Variants in SORL1-AS1 observed in about 807,000 individuals in gnomAD.
SORL1-AS1 encodes SORL1 antisense RNA 1, also known as lncRNA 51 A.
the SORL1-AS1 span, among the ~76,000 whole-genome samples, chr11:121,441,530 CAAAA>C: frequency 5.7e-5 from 3 of 52,384 alleles, no homozygotes; most frequent in African/African-American, 8.2e-5. Context: ...GACTCTGTCT[CAAAA>C]AAAAAAAAAA....
At chr11:121,451,212 T>C (rs917230062) in intron 1 of SORL1-AS1, among the ~76,000 whole-genome samples, 2 of 152,144 alleles carry the variant, frequency 1.3e-5, no homozygotes, top group African/African-American at 4.8e-5. Context: ...ATAGGAAAGG[T>C]TGCAGTAGTA....
chr11:121,446,788 C>T (rs1007733388), downstream of SORL1-AS1, among the ~76,000 whole-genome samples: 17 of 151,288 alleles, frequency 1.1e-4, no homozygotes, highest in East Asian at 2.5e-3. Flanking sequence ...ATCCAGGAGA[C>T]GTGGGCCAAA....
At chr11:121,449,616 A>G (rs557428270) in exon 2 of SORL1-AS1, 1 of 152,358 alleles carries the variant, frequency 6.6e-6, no homozygotes, top group Non-Finnish European at 1.5e-5. Flanking sequence ...ACTAGAATCT[A>G]TGTTTCTAAT....
In SORL1-AS1 at chr11:121,452,583, C is replaced by T. The variant is rs769805751; in HGVS notation, n.339+92G>A. ...CGCTCCGGAGGAAACGGAGCGCTGC[C>T]CTGCAGCCCGAGCCCATCAAGGTGT... On this transcript the variant is annotated intron_variant and non_coding_transcript_variant, in intron 1 of 1. Transcript: ENST00000501964. This position sits in a 1 kb window ranked among gnomAD's most constrained non-coding sequence, Gnocchi z 5.3. The T allele has an allele frequency of 3.3e-6, 5 of 1,522,606 alleles. No individual in the cohort carries two copies. Among genetic ancestry groups the T allele is most frequent in the Middle Eastern group, 1.7e-4 (1 of 5,848 alleles). The allele number at this position is 1,522,606 out of a possible 1,614,324, so 94.3% of individuals were successfully genotyped here. A position where few individuals can be genotyped will look rare whatever the true frequency, so the allele number is the denominator to read the frequency against.
At chr11:121,448,330 G>A (rs1460743419) in exon 2 of SORL1-AS1, 1 of 152,198 alleles carries the variant, frequency 6.6e-6, no homozygotes, top group African/African-American at 2.4e-5. Context: ...TATCTTGGAC[G>A]CTTTCCTAAC....
At chr11:121,446,678 G>A (rs949797781), downstream of SORL1-AS1, among the ~76,000 whole-genome samples, 9 of 151,986 alleles carry the variant, frequency 5.9e-5, no homozygotes, top group African/African-American at 2.2e-4. Context: ...TTGAACTCAG[G>A]GGGTGGAGGT....
Position 121,452,227 on chromosome 11 carries a change from A to G in SORL1-AS1, n.339+448T>C, listed in dbSNP as rs1436601604. On this transcript the variant is annotated intron_variant and non_coding_transcript_variant, in intron 1 of 1. Coordinates refer to ENST00000501964, the Ensembl canonical transcript of SORL1-AS1. The surrounding 1 kb of genome is among the most constrained non-coding windows in gnomAD (Gnocchi z 5.3). ...GCCCGGAGCGGCGCGGGCGGCCTGG[A>G]GCCCCGGGAGCGGCGCGCGCGGTCC... The G allele has an allele frequency of 3.4e-6, 3 of 885,156 alleles. No individual in the cohort carries two copies. Among genetic ancestry groups the G allele is most frequent in the Non-Finnish European group, 4.4e-6 (3 of 683,624 alleles). The allele number at this position is 885,156 out of a possible 1,614,324, so 54.8% of individuals were successfully genotyped here.
chr11:121,445,390 C>T (rs558681570), downstream of SORL1-AS1, among the ~76,000 whole-genome samples: 3 of 152,274 alleles, frequency 2.0e-5, no homozygotes, highest in South Asian at 4.2e-4. Flanking sequence ...TCTCAGAACC[C>T]CTGGCTGCAC....
chr11:121,447,344 T>C, exon 2 of SORL1-AS1: 1 of 149,380 alleles, frequency 6.7e-6, no homozygotes, highest in Non-Finnish European at 1.5e-5. Context: ...ACAGGGTCTC[T>C]CTCTGTCACC....
At position 121,452,809 on chromosome 11, in the gene SORL1-AS1, A is replaced by C; in HGVS notation, n.205T>G. On this transcript the variant is annotated non_coding_transcript_exon_variant, in exon 1 of 2. Coordinates refer to ENST00000501964, the Ensembl canonical transcript of SORL1-AS1. This position sits in a 1 kb window ranked among gnomAD's most constrained non-coding sequence, Gnocchi z 5.3. ...CATTGATCTTTCCTTCTTCCTGTCG[A>C]TTTAGTAAACGTATTCCAGGTAACT... 1 of 507,022 alleles carries C rather than the reference A, an allele frequency of 2.0e-6. No individual in the cohort carries two copies. Among genetic ancestry groups the C allele is most frequent in the Non-Finnish European group, 3.3e-6 (1 of 300,476 alleles). The allele number at this position is 507,022 out of a possible 1,614,324, so 31.4% of individuals were successfully genotyped here.
In SORL1-AS1 at chr11:121,450,114, T is replaced by C. The variant is rs1860770397; in HGVS notation, n.340-215A>G. On this transcript the variant is annotated intron_variant and non_coding_transcript_variant, in intron 1 of 1. Coordinates refer to ENST00000501964, the Ensembl canonical transcript of SORL1-AS1. This position sits in a 1 kb window ranked among gnomAD's most constrained non-coding sequence, Gnocchi z 5.2. The stretch of plus-strand genomic sequence containing the variant: ...TTGTGTGGGCAAACAGATGCCCATC[T>C]TCAAATCCACACTTAGGAGACTCCT... Among the ~76,000 whole-genome samples, 1 of 152,234 alleles carries C rather than the reference T, an allele frequency of 6.6e-6. No homozygotes were observed. The highest frequency in any genetic ancestry group is 1.5e-5 in the Non-Finnish European group (1 of 68,046).
chr11:121,442,394 G>A (rs573782447), downstream of SORL1-AS1, among the ~76,000 whole-genome samples: 1 of 152,252 alleles, frequency 6.6e-6, no homozygotes, highest in South Asian at 2.1e-4. Context: ...CAGAACTTTG[G>A]AAAGCCGAGG....
At chr11:121,451,222 A>AT (rs1214409791) in intron 1 of SORL1-AS1, among the ~76,000 whole-genome samples, 3 of 152,226 alleles carry the variant, frequency 2.0e-5, no homozygotes, top group African/African-American at 7.2e-5. Flanking sequence ...TTGCAGTAGT[A>AT]CATAGACTTT....
chr11:121,439,877 A>C, the SORL1-AS1 span, among the ~76,000 whole-genome samples: 3 of 152,374 alleles, frequency 2.0e-5, no homozygotes, highest in Non-Finnish European at 4.4e-5. Flanking sequence ...TTTAAAAATC[A>C]GTAAGACAAG....
chr11:121,438,448 C>A, the SORL1-AS1 span, among the ~76,000 whole-genome samples: 1 of 152,112 alleles, frequency 6.6e-6, no homozygotes, highest in African/African-American at 2.4e-5. Context: ...GTGGCCCACC[C>A]TCCCTCTACA....
At chr11:121,446,107 G>T (rs1308605330), downstream of SORL1-AS1, among the ~76,000 whole-genome samples, 2 of 152,232 alleles carry the variant, frequency 1.3e-5, no homozygotes, top group East Asian at 3.9e-4. Flanking sequence ...TGAGGAGCGG[G>T]GGTGGGGGTA....
chr11:121,449,628 C>G (rs1314747002), exon 2 of SORL1-AS1: 2 of 152,224 alleles, frequency 1.3e-5, no homozygotes, highest in African/African-American at 4.8e-5. Context: ...GTTTCTAATG[C>G]CACCTGCATG....
In SORL1-AS1 at chr11:121,452,511, G is replaced by A. The variant is rs1860817674; in HGVS notation, n.339+164C>T. 11 of 1,479,118 alleles carry A rather than the reference G, an allele frequency of 7.4e-6. No individual in the cohort carries two copies. In the East Asian group the frequency reaches 2.8e-4, roughly 38 times the overall value. 91.6% of individuals were successfully genotyped at this position (1,479,118 alleles called of 1,614,324 possible). On this transcript the variant is annotated intron_variant and non_coding_transcript_variant, in intron 1 of 1. Coordinates refer to ENST00000501964, the Ensembl canonical transcript of SORL1-AS1. This position sits in a 1 kb window ranked among gnomAD's most constrained non-coding sequence, Gnocchi z 5.3. Reference sequence around the variant, plus strand: ...AGGGCGACCCGCGCGAGCTGCGGCTGTGGGCGCGCGGGGATGCCAGGGGGG... The same window carrying A: ...AGGGCGACCCGCGCGAGCTGCGGCTATGGGCGCGCGGGGATGCCAGGGGGG...
At position 121,450,710 on chromosome 11, in the gene SORL1-AS1, T is replaced by C. The variant is rs1860778562; in HGVS notation, n.340-811A>G. 6.6e-6 allele frequency among the ~76,000 whole-genome samples: 1 copy of C among 152,088 alleles called. No individual in the cohort carries two copies. On this transcript the variant is annotated intron_variant and non_coding_transcript_variant, in intron 1 of 1. Coordinates refer to ENST00000501964, the Ensembl canonical transcript of SORL1-AS1. The surrounding 1 kb of genome is among the most constrained non-coding windows in gnomAD (Gnocchi z 5.2). ...AATGAACAAAGCAGGGTGGTTAACA[T>C]AGAGAATGCATGATTTGCTTGGTGG...
Sources: gnomAD v4.1 joint callset for allele counts (sites outside exome capture counted in the v4.1 genomes callset) on GRCh38, gnomAD v4.1.1 for gene constraint, Gnocchi (gnomAD v3.1) non-coding constraint, MANE v1.5 for transcripts, NCBI Gene and HGNC (gene_info 2026-07-23, HGNC 2026-07-21) for gene names.